Variants in RNF2 observed in about 807,000 individuals in gnomAD.
The protein encoded by RNF2 is E3 ubiquitin-protein ligase RING2.
Under a neutral mutation model 37.2 loss-of-function variants are expected in RNF2, and 6 were observed. The ratio of observed to expected loss-of-function variants is 0.16; its 90% CI spans 0.09 to 0.32. RNF2 has a LOEUF of 0.32. Among genes scored for constraint, RNF2 ranks in the 10% least tolerant of loss-of-function variants. The pLI is 1.00. For synonymous variants in RNF2, 133 were observed against 132.7 expected, an observed-to-expected ratio of 1.00 and a Z score of -0.02; for missense variants, 251 against 404.0, an observed-to-expected ratio of 0.62 and a Z score of 3.25.
intron 1 of RNF2, among the ~76,000 whole-genome samples, chr1:185,075,015 A>G (rs371001225): frequency 2.6e-5 from 4 of 151,902 alleles, no homozygotes; most frequent in South Asian, 4.2e-4. Context: ...TTTATTTTTG[A>G]GATGGAGCCT....
At chr1:185,068,832 G>A (rs1650877293) in intron 1 of RNF2, among the ~76,000 whole-genome samples, 1 of 151,998 alleles carries the variant, frequency 6.6e-6, no homozygotes, top group African/African-American at 2.4e-5. Flanking sequence ...CTCCTTTTGG[G>A]GAGTATAATT....
chr1:185,050,110 T>C (rs1186493737), intron 1 of RNF2, among the ~76,000 whole-genome samples: 1 of 152,208 alleles, frequency 6.6e-6, no homozygotes, highest in Non-Finnish European at 1.5e-5. Context: ...TAGGTTAAGA[T>C]GTAGTAATTT....
intron 2 of RNF2, among the ~76,000 whole-genome samples, chr1:185,089,976 C>A (rs1651720339): frequency 6.6e-6 from 1 of 152,090 alleles, no homozygotes; most frequent in Non-Finnish European, 1.5e-5. Flanking sequence ...GGCTGGCATG[C>A]AGTGGCGTGA....
chr1:185,094,133 T>G (rs968866833), intron 4 of RNF2, among the ~76,000 whole-genome samples: 1 of 150,378 alleles, frequency 6.6e-6, no homozygotes, highest in Non-Finnish European at 1.5e-5. Context: ...TGGAGTCAGT[T>G]TTTTTTTTTT....
At chr1:185,066,818 G>A (rs1038420462) in intron 1 of RNF2, among the ~76,000 whole-genome samples, 1 of 152,170 alleles carries the variant, frequency 6.6e-6, no homozygotes, top group Admixed American at 6.5e-5. Context: ...AAGTATCTAT[G>A]TCTGTGGTGG....
At chr1:185,061,415 G>A (rs12127009) in intron 1 of RNF2, among the ~76,000 whole-genome samples, 15,979 of 151,794 alleles carry the variant, frequency 0.11, 1,081 homozygotes, top group Non-Finnish European at 0.14. Flanking sequence ...ATCTCAGGCA[G>A]AAACCAACCC....
chr1:185,079,329 A>T, intron 1 of RNF2, among the ~76,000 whole-genome samples: 1 of 151,924 alleles, frequency 6.6e-6, no homozygotes, highest in East Asian at 1.9e-4. Context: ...CTTGCACTGG[A>T]CCCCACCAGA....
At chr1:185,086,512 G>T (rs2102193513) in intron 1 of RNF2, among the ~76,000 whole-genome samples, 1 of 152,300 alleles carries the variant, frequency 6.6e-6, no homozygotes, top group African/African-American at 2.4e-5. Context: ...TTGAAATGAT[G>T]TCAAATGGGG....
Position 185,101,115 on chromosome 1 carries a change from T to C in RNF2, c.*814T>C, listed in dbSNP as rs1376080293. 1 of 152,550 alleles carries C rather than the reference T, an allele frequency of 6.6e-6. No homozygotes were observed. The highest frequency in any genetic ancestry group is 1.5e-5 in the Non-Finnish European group (1 of 67,976). 9.4% of individuals were successfully genotyped at this position (152,550 alleles called of 1,614,324 possible). A position where few individuals can be genotyped will look rare whatever the true frequency, so the allele number is the denominator to read the frequency against. On this transcript the variant is annotated 3_prime_UTR_variant, in exon 7 of 7. Coordinates refer to ENST00000367510, the MANE Select transcript of RNF2 (RefSeq NM_007212.4). ...TGCTGTCACTTCATTTCCTGTATTA[T>C]ATGTGATGTTTTTCCCCATTAAAAT...
chr1:185,076,952 ATG>A (rs1219609856), intron 1 of RNF2, among the ~76,000 whole-genome samples: 1 of 152,068 alleles, frequency 6.6e-6, no homozygotes, highest in African/African-American at 2.4e-5. Context: ...TTATATACAT[ATG>A]TGTACATTAA....
At chr1:185,097,940 C>T in intron 4 of RNF2, 132 bp from the exon 5 acceptor site, 1 of 903,612 alleles carries the variant, frequency 1.1e-6, no homozygotes, top group Non-Finnish European at 1.6e-6. Flanking sequence ...GAAACAATAT[C>T]ATCCAACTCA....
At chr1:185,082,373 CAG>C (rs1400734728) in intron 1 of RNF2, among the ~76,000 whole-genome samples, 1 of 47,656 alleles carries the variant, frequency 2.1e-5, no homozygotes, top group Non-Finnish European at 5.0e-5. Flanking sequence ...TTTTTGAAGA[CAG>C]AGTCTTGCTC....
At position 185,045,658 on chromosome 1, in the gene RNF2, G is replaced by C. The variant is rs1285894739; in HGVS notation, c.-3+9G>C. The C allele has an allele frequency of 6.6e-6, 1 of 152,570 alleles. No individual in the cohort carries two copies. Among genetic ancestry groups the C allele is most frequent in the Non-Finnish European group, 1.5e-5 (1 of 68,368 alleles). 9.5% of individuals were successfully genotyped at this position (152,570 alleles called of 1,614,324 possible). A position where few individuals can be genotyped will look rare whatever the true frequency, so the allele number is the denominator to read the frequency against. The stretch of plus-strand genomic sequence containing the variant: ...GGCTGGGGCAGGAGCCGGTGAGTGG[G>C]GCGGGCGGGGAGGCGAAGGACGCGG... On this transcript the variant is annotated intron_variant, in intron 1 of 6. Transcript: ENST00000367510.
At chr1:185,099,424 T>G (rs934454687) in intron 5 of RNF2, among the ~76,000 whole-genome samples, 2 of 152,200 alleles carry the variant, frequency 1.3e-5, no homozygotes, top group Non-Finnish European at 2.9e-5. Context: ...CTATTCTGTT[T>G]CTGTTGCTGC....
At position 185,087,500 on chromosome 1, in the gene RNF2, A is replaced by G. The variant is rs1651637240; in HGVS notation, c.-2-52A>G. The G allele has an allele frequency of 2.1e-6, 3 of 1,455,498 alleles. No individual in the cohort carries two copies. In the African/African-American group the frequency reaches 4.2e-5, roughly 20 times the overall value. The allele number at this position is 1,455,498 out of a possible 1,614,324, so 90.2% of individuals were successfully genotyped here. ...GGTGGGACACATACATTCAGACCAT[A>G]GCACTTCCCTTCCAAATACTAAAAT... is the stretch of plus-strand genomic sequence containing the variant. On this transcript the variant is annotated intron_variant, in intron 1 of 6. Transcript: ENST00000367510.
intron 1 of RNF2, among the ~76,000 whole-genome samples, chr1:185,068,503 T>C (rs980766149): frequency 2.6e-5 from 4 of 152,214 alleles, no homozygotes; most frequent in Admixed American, 2.0e-4. Flanking sequence ...CATGAAGCAG[T>C]GTGACCACAG....
intron 4 of RNF2, among the ~76,000 whole-genome samples, chr1:185,095,317 A>G (rs1651880662): frequency 6.6e-6 from 1 of 152,170 alleles, no homozygotes; most frequent in Non-Finnish European, 1.5e-5. Flanking sequence ...ACTTTATTAC[A>G]GCTTCCTTAC....
intron 1 of RNF2, among the ~76,000 whole-genome samples, chr1:185,070,177 A>G (rs1226821817): frequency 6.6e-6 from 1 of 152,230 alleles, no homozygotes; most frequent in African/African-American, 2.4e-5. Flanking sequence ...ATTGTCATGT[A>G]TGGAATGTGC....
chr1:185,076,435 C>T (rs1203552864), intron 1 of RNF2, among the ~76,000 whole-genome samples: 27 of 150,586 alleles, frequency 1.8e-4, no homozygotes, highest in Admixed American at 3.3e-4. Context: ...GGACTACAGG[C>T]GCGTGCCTCC....
Sources: gnomAD v4.1 joint callset for allele counts (sites outside exome capture counted in the v4.1 genomes callset) on GRCh38, gnomAD v4.1.1 for gene constraint, MANE v1.5 for transcripts, NCBI Gene and HGNC (gene_info 2026-07-23, HGNC 2026-07-21) for gene names.